NUP155: variants seen among roughly 807,000 people sequenced by gnomAD.
NUP155 encodes the protein nuclear pore complex protein Nup155.
A neutral mutation model predicts 180.4 loss-of-function variants in NUP155; 71 were observed. The observed-to-expected ratio is 0.39, with a 90% CI of 0.33 to 0.48. The LOEUF is 0.48. NUP155 is among the 20% of genes least tolerant of loss of function. The pLI is 0.91. For missense variants in NUP155, 1,553 were observed against 1,648.9 expected, an observed-to-expected ratio of 0.94 and a Z score of 1.01; for synonymous variants, 582 against 559.5, an observed-to-expected ratio of 1.04 and a Z score of -0.57.
At chr5:37,323,515 G>C (rs1182316079) in intron 20 of NUP155, among the ~76,000 whole-genome samples, 1 of 151,612 alleles carries the variant, frequency 6.6e-6, no homozygotes, top group Non-Finnish European at 1.5e-5. Flanking sequence ...AAGATTCCAT[G>C]TATATAAATA....
intron 1 of NUP155, among the ~76,000 whole-genome samples, chr5:37,366,583 C>A (rs1747598389): frequency 6.6e-6 from 1 of 152,020 alleles, no homozygotes; most frequent in Non-Finnish European, 1.5e-5. Context: ...GGATTACAGG[C>A]ATGAGCCACC....
At chr5:37,355,277 G>A (rs1212916999) in intron 4 of NUP155, among the ~76,000 whole-genome samples, 1 of 151,980 alleles carries the variant, frequency 6.6e-6, no homozygotes, top group African/African-American at 2.4e-5. Flanking sequence ...AGAGGCCAAG[G>A]TGGGCGGATC....
chr5:37,323,956 G>T, intron 20 of NUP155, 36 bp downstream of exon 20: 3 of 1,393,456 alleles, frequency 2.2e-6, no homozygotes, highest in Non-Finnish European at 3.1e-6. Context: ...ACAACGAAAA[G>T]AAAAAGATGA....
intron 1 of NUP155, among the ~76,000 whole-genome samples, chr5:37,366,872 G>A (rs1747619764): frequency 6.6e-6 from 1 of 151,644 alleles, no homozygotes; most frequent in African/African-American, 2.4e-5. Flanking sequence ...GGATGGTCTC[G>A]ATCTCCCGAC....
intron 21 of NUP155, among the ~76,000 whole-genome samples, chr5:37,316,845 T>TGCCACTGAAC (rs144599563): frequency 0.039 from 5,916 of 151,352 alleles, 147 homozygotes; most frequent in South Asian, 0.081. Flanking sequence ...ATATACTGAA[T>TGCCACTGAAC]GCCACTGAAC....
In NUP155 at chr5:37,325,971, GAA is replaced by G; in HGVS notation, c.2025-6_2025-5del. On this transcript the variant is annotated splice_region_variant and splice_polypyrimidine_tract_variant and intron_variant, in intron 18 of 34. Coordinates refer to ENST00000231498, the MANE Select transcript of NUP155 (RefSeq NM_153485.3). Reference sequence around the variant, plus strand: ...TAAGCTTGCATCCCAAATGTTTCTGGAAAAAAAAAAGTTTTAATGATTGTGCT... The same window carrying G: ...TAAGCTTGCATCCCAAATGTTTCTGGAAAAAAAAGTTTTAATGATTGTGCT... 6 of 1,509,148 alleles carry G rather than the reference GAA, an allele frequency of 4.0e-6. No homozygotes were observed. Among genetic ancestry groups the G allele is most frequent in the South Asian group, 1.2e-5 (1 of 84,782 alleles). The allele number at this position is 1,509,148 out of a possible 1,614,324, so 93.5% of individuals were successfully genotyped here.
intron 30 of NUP155, 149 bp from the exon 31 acceptor site, chr5:37,299,717 T>C (rs1449679186): frequency 3.6e-6 from 3 of 831,520 alleles, no homozygotes; most frequent in Non-Finnish European, 5.8e-6. Context: ...TGTATGTAGC[T>C]GGTTATAACT....
At chr5:37,332,762 G>A (rs375099554) in intron 13 of NUP155, among the ~76,000 whole-genome samples, 23 of 152,130 alleles carry the variant, frequency 1.5e-4, no homozygotes, top group East Asian at 1.4e-3. Flanking sequence ...AGTTTGAGAC[G>A]AGCCTGGGCT....
At chr5:37,300,981 G>A (rs770305485) in intron 30 of NUP155, 3 of 184,194 alleles carry the variant, frequency 1.6e-5, no homozygotes, top group African/African-American at 2.4e-5. Flanking sequence ...ATGCCACCAC[G>A]CCTGGCTAAT....
intron 4 of NUP155, 87 bp downstream of exon 4, chr5:37,357,993 GA>G: frequency 6.3e-6 from 6 of 953,810 alleles, no homozygotes; most frequent in Non-Finnish European, 8.5e-6. Context: ...ACTCCATCTC[GA>G]AAAAAATGTG....
chr5:37,306,826 A>C (rs16903578), intron 25 of NUP155, among the ~76,000 whole-genome samples: 20,121 of 152,012 alleles, frequency 0.13, 1,394 homozygotes, highest in African/African-American at 0.17. Flanking sequence ...GGGAATACTT[A>C]AAAATTATCC....
chr5:37,332,962 A>C (rs1745076370), intron 13 of NUP155, among the ~76,000 whole-genome samples: 1 of 152,082 alleles, frequency 6.6e-6, no homozygotes, highest in Admixed American at 6.6e-5. Context: ...TCTAAAATAA[A>C]ATAAAATAAA....
intron 20 of NUP155, among the ~76,000 whole-genome samples, chr5:37,320,425 C>T (rs942445944): frequency 2.0e-5 from 3 of 152,128 alleles, no homozygotes; most frequent in African/African-American, 7.2e-5. Context: ...TGCGGTGAGC[C>T]GAGGATCATG....
chr5:37,315,216 A>T (rs1414772829), intron 21 of NUP155, among the ~76,000 whole-genome samples: 1 of 152,176 alleles, frequency 6.6e-6, no homozygotes, highest in African/African-American at 2.4e-5. Flanking sequence ...TCGGCGAAAA[A>T]GCGAGACTCC....
At chr5:37,294,231 G>T in intron 33 of NUP155, 98 bp downstream of exon 33, 1 of 824,078 alleles carries the variant, frequency 1.2e-6, no homozygotes, top group Non-Finnish European at 2.0e-6. Context: ...TAGACTAAGT[G>T]ATAGGATACA....
rs369544043 is a variant in NUP155, at chr5:37,364,377, G to A, written c.165C>T (p.Pro55=). Reference sequence around the variant, plus strand: ...CCATATCTGACATGCCAGAAACGGTGGGATTATCTACAAAAAGAAAATGAA... The same window carrying A: ...CCATATCTGACATGCCAGAAACGGTAGGATTATCTACAAAAAGAAAATGAA... The part of the protein sequence containing the change: ...ELLMVSAPNN[P]TVSGMSDMDY... Residue 55 remains proline, a synonymous_variant, in exon 2 of 35, where the codon CCC becomes CCT. Transcript: ENST00000231498. 31 of 1,611,984 alleles carry A rather than the reference G, an allele frequency of 1.9e-5. No individual in the cohort carries two copies. In the African/African-American group the frequency reaches 2.4e-4, roughly 12 times the overall value.
intron 16 of NUP155, 94 bp from the exon 17 acceptor site, chr5:37,328,514 CT>C (rs1744754852): frequency 9.3e-6 from 9 of 969,604 alleles, no homozygotes; most frequent in Non-Finnish European, 1.3e-5. Context: ...TTTCCTTTTT[CT>C]TTTTTTGAGG....
intron 9 of NUP155, among the ~76,000 whole-genome samples, chr5:37,343,940 G>C (rs1380634347): frequency 6.6e-6 from 1 of 152,066 alleles, no homozygotes; most frequent in African/African-American, 2.4e-5. Context: ...TAGACATTTG[G>C]TTAAAATCAC....
At chr5:37,370,423 C>T (rs1382816256) in intron 1 of NUP155, among the ~76,000 whole-genome samples, 1 of 152,188 alleles carries the variant, frequency 6.6e-6, no homozygotes, top group Non-Finnish European at 1.5e-5. Flanking sequence ...AGATAACATG[C>T]TAAATTTCCA....
Sources: allele counts gnomAD v4.1 joint callset (sites outside exome capture counted in the v4.1 genomes callset), GRCh38; gene constraint gnomAD v4.1.1; transcripts MANE v1.5; gene names NCBI Gene and HGNC (gene_info 2026-07-23, HGNC 2026-07-21).